Variants in PKIB observed in about 807,000 individuals in gnomAD.
PKIB encodes PKI-beta.
A neutral mutation model predicts 4.5 loss-of-function variants in PKIB; 2 were observed. The observed-to-expected ratio is 0.44, with a 90% CI of 0.18 to 1.39. PKIB has a LOEUF of 1.39. Ranked by LOEUF, PKIB falls within the 40% of genes most tolerant of loss-of-function variation. PKIB has a pLI of 0.27. For missense variants in PKIB, 94 were observed against 92.6 expected (o/e 1.02, Z -0.06); for synonymous variants, 38 against 36.0 (o/e 1.06, Z -0.20).
intron 1 of PKIB, among the ~76,000 whole-genome samples, chr6:122,626,980 ATC>A (rs1402452708): frequency 1.3e-5 from 2 of 151,842 alleles, no homozygotes; most frequent in Non-Finnish European, 2.9e-5. Flanking sequence ...CACGCCTGTA[ATC>A]CCAGCACTTT....
intron 4 of PKIB, among the ~76,000 whole-genome samples, chr6:122,720,913 G>T (rs1441567081): frequency 2.0e-5 from 3 of 152,134 alleles, no homozygotes; most frequent in Non-Finnish European, 2.9e-5. Context: ...CGTTGGGCAG[G>T]CTGGTCTCAA....
Position 122,487,500 on chromosome 6 carries a change from C to A in PKIB, c.-248+9561C>A, listed in dbSNP as rs148114549. Among the ~76,000 whole-genome samples, 62 of 152,272 alleles carry A rather than the reference C, an allele frequency of 4.1e-4. 1 individual carries two copies. The highest frequency in any genetic ancestry group is 1.3e-3 in the African/African-American group (54 of 41,542). Reference sequence around the variant, plus strand: ...GGGAGGTGATGAGGTTGTTAGGGGACAGCCTTCATGATTGGGATTTATGCT... The same window carrying A: ...GGGAGGTGATGAGGTTGTTAGGGGAAAGCCTTCATGATTGGGATTTATGCT... On this transcript the variant is annotated intron_variant, in intron 2 of 6. Transcript: ENST00000392491.
chr6:122,618,082 G>A (rs1306995616), intron 1 of PKIB, among the ~76,000 whole-genome samples: 1 of 152,070 alleles, frequency 6.6e-6, no homozygotes, highest in Non-Finnish European at 1.5e-5. Context: ...AGATCATAAG[G>A]ATAGGAAACA....
At chr6:122,653,643 GA>G (rs71541210) in intron 2 of PKIB, among the ~76,000 whole-genome samples, 11,367 of 140,812 alleles carry the variant, frequency 0.081, 445 homozygotes, top group South Asian at 0.16. Flanking sequence ...GGGATTATTT[GA>G]AAAAAAAAAA....
intron 2 of PKIB, among the ~76,000 whole-genome samples, chr6:122,539,454 C>G (rs560923611): frequency 3.9e-4 from 60 of 152,114 alleles, no homozygotes; most frequent in South Asian, 2.5e-3. Context: ...TGGTTTTTGT[C>G]TTTGGTTCTG....
At chr6:122,472,543 A>C (rs1341110525) in intron 1 of PKIB, among the ~76,000 whole-genome samples, 1 of 152,194 alleles carries the variant, frequency 6.6e-6, no homozygotes, top group Non-Finnish European at 1.5e-5. Flanking sequence ...CATTCCTATA[A>C]AAGTTCCAGT....
At chr6:122,639,302 G>T (rs995035943) in intron 2 of PKIB, among the ~76,000 whole-genome samples, 1 of 152,186 alleles carries the variant, frequency 6.6e-6, no homozygotes. Flanking sequence ...AGATACCCTT[G>T]TCAAGGAGAG....
chr6:122,497,167 A>G (rs2114549918), intron 2 of PKIB, among the ~76,000 whole-genome samples: 3 of 152,324 alleles, frequency 2.0e-5, no homozygotes, highest in East Asian at 1.9e-4. Context: ...TTGTTCAGAC[A>G]AGAAATCACT....
At chr6:122,637,785 A>G (rs1340686670) in intron 2 of PKIB, among the ~76,000 whole-genome samples, 1 of 151,818 alleles carries the variant, frequency 6.6e-6, no homozygotes, top group Non-Finnish European at 1.5e-5. Flanking sequence ...TAATTAATAA[A>G]TAAATAAATA....
intron 2 of PKIB, among the ~76,000 whole-genome samples, chr6:122,507,699 G>A (rs1026701733): frequency 4.0e-5 from 6 of 150,886 alleles, no homozygotes; most frequent in African/African-American, 1.2e-4. Flanking sequence ...TTTTGTTTAT[G>A]GTAGAGTTTA....
chr6:122,678,342 A>G (rs1777765632), intron 3 of PKIB, among the ~76,000 whole-genome samples: 1 of 152,000 alleles, frequency 6.6e-6, no homozygotes, highest in Non-Finnish European at 1.5e-5. Flanking sequence ...GATTGCTCAT[A>G]CTCACCTGGA....
At chr6:122,563,223 T>C (rs1773083373) in intron 2 of PKIB, among the ~76,000 whole-genome samples, 1 of 152,084 alleles carries the variant, frequency 6.6e-6, no homozygotes, top group South Asian at 2.1e-4. Context: ...CTGCAGTGAT[T>C]GTTGTCCCTC....
chr6:122,644,414 A>G (rs1776234455), intron 2 of PKIB: 2 of 152,198 alleles, frequency 1.3e-5, no homozygotes, highest in Non-Finnish European at 2.9e-5. Flanking sequence ...GATGCAGCAA[A>G]GTGCAGGGGA....
intron 3 of PKIB, among the ~76,000 whole-genome samples, chr6:122,596,276 GC>G (rs1470443031): frequency 1.3e-5 from 2 of 152,164 alleles, no homozygotes; most frequent in Non-Finnish European, 2.9e-5. Context: ...TGTGAACCAG[GC>G]CCTAGTCTTC....
chr6:122,693,462 T>C lies in PKIB; in HGVS notation c.-9+18318T>C, dbSNP rs574327800. 3.3e-5 allele frequency among the ~76,000 whole-genome samples: 5 copies of C among 152,382 alleles called. No homozygotes were observed. The East Asian group carries it at 9.6e-4, about 29-fold the overall frequency. Reference sequence around the variant, plus strand: ...TCATACTAAAATTCTTCAGCATCCTTAATCAAATGTCAAAGGACAATATTT... The same window carrying C: ...TCATACTAAAATTCTTCAGCATCCTCAATCAAATGTCAAAGGACAATATTT... On this transcript the variant is annotated intron_variant, in intron 3 of 4. Transcript: ENST00000368452.
At chr6:122,645,747 A>G (rs1196987157) in intron 2 of PKIB, among the ~76,000 whole-genome samples, 1 of 152,152 alleles carries the variant, frequency 6.6e-6, no homozygotes, top group Non-Finnish European at 1.5e-5. Flanking sequence ...GTTAAAGGAT[A>G]CTTGTGACAT....
intron 2 of PKIB, among the ~76,000 whole-genome samples, chr6:122,540,676 C>T (rs1007321523): frequency 2.6e-5 from 4 of 151,900 alleles, no homozygotes; most frequent in African/African-American, 7.3e-5. Flanking sequence ...GGGTGGAGAG[C>T]TCTGTAGATG....
chr6:122,719,965 ACAAAG>A (rs1284996227), intron 4 of PKIB, among the ~76,000 whole-genome samples: 96 of 152,344 alleles, frequency 6.3e-4, no homozygotes, highest in Middle Eastern at 6.8e-3. Context: ...TATTTTATTA[ACAAAG>A]TCACAAGTAA....
intron 3 of PKIB, among the ~76,000 whole-genome samples, chr6:122,597,041 A>G (rs1424385032): frequency 6.6e-6 from 1 of 152,196 alleles, no homozygotes; most frequent in Non-Finnish European, 1.5e-5. Context: ...TTTAGAAAGA[A>G]TATCTTGACA....
Sources: gnomAD v4.1 joint callset for allele counts (sites outside exome capture counted in the v4.1 genomes callset) on GRCh38, gnomAD v4.1.1 for gene constraint, MANE v1.5 for transcripts, NCBI Gene and HGNC (gene_info 2026-07-23, HGNC 2026-07-21) for gene names.